The following PKP2 variants were observed in gnomAD, a reference collection of about 807,000 sequenced individuals.
PKP2 encodes plakophilin-2.
PKP2 carries 73 observed loss-of-function variants against 83.4 expected under a neutral mutation model. The ratio of observed to expected loss-of-function variants is 0.88; its 90% CI spans 0.72 to 1.06. The LOEUF is 1.06. Ranked by LOEUF, PKP2 falls within the 50% of genes least tolerant of loss-of-function variation. PKP2 has a pLI of 0.00. For missense variants in PKP2, 966 were observed against 1,065.4 expected (o/e 0.91, Z 1.30); for synonymous variants, 409 against 430.4 (o/e 0.95, Z 0.62).
chr12:32,835,502 G>T (rs1956537353), intron 6 of PKP2, among the ~76,000 whole-genome samples: 1 of 150,926 alleles, frequency 6.6e-6, no homozygotes, highest in East Asian at 1.9e-4. Context: ...GAAAAAAAAA[G>T]ATATTTTAGC....
At chr12:32,802,064 G>A (rs1056958018) in intron 10 of PKP2, among the ~76,000 whole-genome samples, 3 of 152,076 alleles carry the variant, frequency 2.0e-5, no homozygotes, top group Non-Finnish European at 4.4e-5. Flanking sequence ...ACAACTATAT[G>A]GATTAGAAAG....
rs1479604787 is a variant in PKP2 at position 32,830,415 on chromosome 12, T to C, written c.1557-6253A>G. On this transcript the variant is annotated intron_variant, in intron 6 of 12. Transcript: ENST00000340811. ...TTATTCTGAAGTCAACATTATTTCC[T>C]GAAGGTATCAGCAAACATCAGCCAA... 2.6e-5 allele frequency among the ~76,000 whole-genome samples: 4 copies of C among 152,228 alleles called. No homozygotes were observed. The East Asian group carries it at 5.8e-4, about 22-fold the overall frequency.
chr12:32,799,850 T>G (rs3850973), intron 10 of PKP2, among the ~76,000 whole-genome samples: 3 of 151,992 alleles, frequency 2.0e-5, no homozygotes, highest in Non-Finnish European at 4.4e-5. Context: ...TCAGGTGACA[T>G]GTGCACCAAC....
Position 32,790,782 on chromosome 12 carries a change from T to C in PKP2, c.*1642A>G, listed in dbSNP as rs895996553. 1.3e-5 allele frequency: 2 copies of C among 152,202 alleles called. No homozygotes were observed. The highest frequency in any genetic ancestry group is 2.9e-5 in the Non-Finnish European group (2 of 68,038). The allele number at this position is 152,202 out of a possible 1,614,324, so 9.4% of individuals were successfully genotyped here. A position where few individuals can be genotyped will look rare whatever the true frequency, so the allele number is the denominator to read the frequency against. On this transcript the variant is annotated 3_prime_UTR_variant, in exon 13 of 13. Coordinates refer to ENST00000340811, the MANE Select transcript of PKP2 (RefSeq NM_001005242.3). The stretch of plus-strand genomic sequence containing the variant: ...TTGTATTTAATATTATCGAAGGCTT[T>C]ATTAATGCCTTAAAAAACACAAAAA...
At chr12:32,843,034 T>C (rs1006701706) in intron 5 of PKP2, 13 of 337,494 alleles carry the variant, frequency 3.9e-5, no homozygotes, top group East Asian at 3.0e-4. Context: ...GGCTGGAGTG[T>C]AGTGGCACAA....
chr12:32,847,765 C>A (rs1956660107), intron 5 of PKP2, among the ~76,000 whole-genome samples: 1 of 152,090 alleles, frequency 6.6e-6, no homozygotes, highest in Non-Finnish European at 1.5e-5. Context: ...AAACATAACC[C>A]CTTCAGGAAG....
rs186730837 is a variant in PKP2, at chr12:32,872,108, G to A, written c.1035-3046C>T. Among the ~76,000 whole-genome samples, 51 of 152,190 alleles carry A rather than the reference G, an allele frequency of 3.4e-4. No individual in the cohort carries two copies. In the East Asian group the frequency reaches 9.7e-3, roughly 29 times the overall value. On this transcript the variant is annotated intron_variant, in intron 3 of 12. Transcript: ENST00000340811. ...TTGTTCCCTAGCCCCACTGACCCCT[G>A]AACATATTCTCCAGAAGTAAGTCAT...
intron 5 of PKP2, among the ~76,000 whole-genome samples, chr12:32,842,136 T>C (rs1956599011): frequency 6.6e-6 from 1 of 152,214 alleles, no homozygotes; most frequent in African/African-American, 2.4e-5. Flanking sequence ...TTTTTTGTTT[T>C]TGAAATTTGG....
intron 6 of PKP2, among the ~76,000 whole-genome samples, chr12:32,834,087 T>C (rs186518661): frequency 1.5e-3 from 230 of 152,308 alleles, no homozygotes; most frequent in Admixed American, 2.8e-3. Context: ...TAAGTTTGAC[T>C]TTCTCCAGAA....
chr12:32,850,726 T>G, intron 5 of PKP2, 40 bp downstream of exon 5: 2 of 1,488,722 alleles, frequency 1.3e-6, no homozygotes, highest in Non-Finnish European at 1.9e-6. Flanking sequence ...CTGGCTGGGG[T>G]GCAAATGTGT....
intron 1 of PKP2, among the ~76,000 whole-genome samples, chr12:32,892,819 G>GGC (rs1555149531): frequency 4.2e-5 from 1 of 23,634 alleles, no homozygotes; most frequent in African/African-American, 1.0e-4. Context: ...GGGTGGGGGC[G>GGC]GGGGGGGGGG....
At chr12:32,826,514 T>C (rs2137792360) in intron 6 of PKP2, among the ~76,000 whole-genome samples, 1 of 152,208 alleles carries the variant, frequency 6.6e-6, no homozygotes, top group Non-Finnish European at 1.5e-5. Flanking sequence ...AACAATTTAA[T>C]GGTTGCTGAA....
At chr12:32,859,163 A>G (rs1161978134) in intron 4 of PKP2, among the ~76,000 whole-genome samples, 4 of 152,354 alleles carry the variant, frequency 2.6e-5, no homozygotes, top group South Asian at 2.1e-4. Context: ...TGGATGAAAT[A>G]TAAGTATAGA....
chr12:32,889,938 G>C (rs914137425), intron 1 of PKP2, among the ~76,000 whole-genome samples: 1 of 151,892 alleles, frequency 6.6e-6, no homozygotes. Flanking sequence ...AGCCGGGTGT[G>C]GTGGCACACA....
chr12:32,871,449 C>T (rs1956895966), intron 3 of PKP2, among the ~76,000 whole-genome samples: 1 of 151,980 alleles, frequency 6.6e-6, no homozygotes, highest in Non-Finnish European at 1.5e-5. Flanking sequence ...GTGCACGCCA[C>T]CATACCCGGC....
At chr12:32,802,180 AT>A (rs11459735) in intron 10 of PKP2, among the ~76,000 whole-genome samples, 5 of 150,554 alleles carry the variant, frequency 3.3e-5, no homozygotes, top group African/African-American at 9.8e-5. Context: ...TTTTGTAGTA[AT>A]TTTTTTTTTA....
At chr12:32,841,256 G>T (rs1237995223) in intron 5 of PKP2, 51 bp from the exon 6 acceptor site, 2 of 1,501,726 alleles carry the variant, frequency 1.3e-6, no homozygotes, top group South Asian at 2.3e-5. Flanking sequence ...GGACCAAAAT[G>T]ACCGCTGAAA....
intron 5 of PKP2, among the ~76,000 whole-genome samples, chr12:32,846,765 A>C (rs972419927): frequency 6.7e-6 from 1 of 150,128 alleles, no homozygotes; most frequent in Non-Finnish European, 1.5e-5. Context: ...AAAAAAAAAG[A>C]AGAGAGAGGA....
chr12:32,838,317 G>T (rs190392647), intron 6 of PKP2, among the ~76,000 whole-genome samples: 1 of 152,170 alleles, frequency 6.6e-6, no homozygotes, highest in East Asian at 1.9e-4. Flanking sequence ...AAACACTGGG[G>T]ATTTCAAAAG....
Sources: gnomAD v4.1 joint callset for allele counts (sites outside exome capture counted in the v4.1 genomes callset) on GRCh38, gnomAD v4.1.1 for gene constraint, MANE v1.5 for transcripts, NCBI Gene and HGNC (gene_info 2026-07-23, HGNC 2026-07-21) for gene names.